Variants in SPMIP2 observed in about 807,000 individuals in gnomAD.
SPMIP2 encodes the protein sperm microtubule inner protein 2, also known as protein SPMIP2.
the SPMIP2 span, among the ~76,000 whole-genome samples, chr4:158,923,193 G>A: frequency 6.6e-6 from 1 of 152,166 alleles, no homozygotes; most frequent in Admixed American, 6.5e-5. Flanking sequence ...ATGGAAAAGT[G>A]TGAGTTCTCC....
At chr4:158,941,171 CCAGT>C in the SPMIP2 span, among the ~76,000 whole-genome samples, 352 of 152,202 alleles carry the variant, frequency 2.3e-3, 1 homozygote, top group African/African-American at 7.6e-3. Flanking sequence ...ATATAATCTT[CCAGT>C]CAAATTCAGG....
chr4:159,018,615 G>T, the SPMIP2 span, among the ~76,000 whole-genome samples: 1 of 152,168 alleles, frequency 6.6e-6, no homozygotes, highest in African/African-American at 2.4e-5. Flanking sequence ...AAAGGAGATT[G>T]TATTAATTTT....
At chr4:158,992,678 T>A in the SPMIP2 span, among the ~76,000 whole-genome samples, 1 of 152,204 alleles carries the variant, frequency 6.6e-6, no homozygotes, top group Non-Finnish European at 1.5e-5. Context: ...TGGCAGGTTG[T>A]GTGATGAAGG....
the SPMIP2 span, among the ~76,000 whole-genome samples, chr4:159,081,654 C>G: frequency 6.6e-6 from 1 of 151,914 alleles, no homozygotes; most frequent in Admixed American, 6.6e-5. Context: ...CTCTGCACTC[C>G]ACTGCACTCC....
At chr4:159,063,525 G>A in the SPMIP2 span, among the ~76,000 whole-genome samples, 1 of 151,164 alleles carries the variant, frequency 6.6e-6, no homozygotes, top group Non-Finnish European at 1.5e-5. Context: ...ACTCCAGACT[G>A]GGCAACAGAG....
chr4:159,024,726 A>G, the SPMIP2 span, among the ~76,000 whole-genome samples: 1 of 152,240 alleles, frequency 6.6e-6, no homozygotes, highest in Admixed American at 6.5e-5. Flanking sequence ...CCATTCTACT[A>G]TAAAATATTT....
chr4:159,004,750 G>T, the SPMIP2 span, among the ~76,000 whole-genome samples: 152,114 of 152,290 alleles, frequency 1, 75,970 homozygotes, highest in East Asian at 1. Flanking sequence ...TACTCACTTT[G>T]ATTAATACAC....
the SPMIP2 span, among the ~76,000 whole-genome samples, chr4:158,911,123 ATG>A: frequency 2.0e-5 from 3 of 152,292 alleles, no homozygotes; most frequent in Admixed American, 6.5e-5. Flanking sequence ...GTCTCTGAAT[ATG>A]TGTTGCAAAG....
At chr4:158,988,831 T>C in the SPMIP2 span, among the ~76,000 whole-genome samples, 2 of 152,024 alleles carry the variant, frequency 1.3e-5, no homozygotes, top group Non-Finnish European at 2.9e-5. Flanking sequence ...AGCACAAGAA[T>C]AGGATGACCT....
At chr4:159,051,154 ATTC>A in the SPMIP2 span, among the ~76,000 whole-genome samples, 2 of 152,096 alleles carry the variant, frequency 1.3e-5, no homozygotes, top group Non-Finnish European at 2.9e-5. Flanking sequence ...AAAAAGTGCT[ATTC>A]TTTGCATTTT....
chr4:158,965,003 G>A, the SPMIP2 span, among the ~76,000 whole-genome samples: 4 of 152,134 alleles, frequency 2.6e-5, no homozygotes, highest in African/African-American at 9.7e-5. Context: ...GATTTGGATG[G>A]GGACAATAAG....
the SPMIP2 span, among the ~76,000 whole-genome samples, chr4:159,044,958 G>T: frequency 2.0e-5 from 3 of 152,100 alleles, no homozygotes; most frequent in African/African-American, 7.2e-5. Context: ...CAGTGTGATG[G>T]CAGCTGCCTG....
At chr4:158,941,751 T>C in the SPMIP2 span, among the ~76,000 whole-genome samples, 1 of 152,122 alleles carries the variant, frequency 6.6e-6, no homozygotes, top group East Asian at 1.9e-4. Context: ...ACTAGAAACA[T>C]GTGGCTTTTT....
the SPMIP2 span, among the ~76,000 whole-genome samples, chr4:158,961,578 T>C: frequency 6.6e-6 from 1 of 152,154 alleles, no homozygotes. Flanking sequence ...TATTATCAGC[T>C]TATCCATTGA....
At chr4:159,061,402 C>T in the SPMIP2 span, among the ~76,000 whole-genome samples, 1 of 151,922 alleles carries the variant, frequency 6.6e-6, no homozygotes, top group Non-Finnish European at 1.5e-5. Flanking sequence ...CACTGTTGGC[C>T]CTTCACTGTA....
chr4:159,035,280 T>C, the SPMIP2 span: 11 of 552,422 alleles, frequency 2.0e-5, 1 homozygote, highest in African/African-American at 1.9e-4. Flanking sequence ...AGTTCTGCAT[T>C]CCAATCTCCA....
chr4:158,979,230 G>T, the SPMIP2 span, among the ~76,000 whole-genome samples: 1 of 152,122 alleles, frequency 6.6e-6, no homozygotes, highest in Non-Finnish European at 1.5e-5. Flanking sequence ...TCCCAGGTCG[G>T]TTTCAGACTG....
the SPMIP2 span, among the ~76,000 whole-genome samples, chr4:159,046,401 G>A: frequency 6.6e-6 from 1 of 152,256 alleles, no homozygotes; most frequent in African/African-American, 2.4e-5. Context: ...CACATTGAAG[G>A]GGAGGGCATT....
chr4:158,971,969 T>C, the SPMIP2 span, among the ~76,000 whole-genome samples: 1 of 152,214 alleles, frequency 6.6e-6, no homozygotes, highest in East Asian at 1.9e-4. Context: ...AGAGGTGAAC[T>C]GATTTGCCCA....
Sources: gnomAD v4.1 joint callset for allele counts (sites outside exome capture counted in the v4.1 genomes callset) on GRCh38, gnomAD v4.1.1 for gene constraint, MANE v1.5 for transcripts, NCBI Gene and HGNC (gene_info 2026-07-23, HGNC 2026-07-21) for gene names.